CFAP20DC: variants seen among roughly 807,000 people sequenced by gnomAD.
CFAP20DC encodes protein CFAP20DC.
A neutral mutation model predicts 101.7 loss-of-function variants in CFAP20DC; 84 were observed. The ratio of observed to expected loss-of-function variants is 0.83; its 90% CI spans 0.69 to 0.99. The LOEUF is 0.99. Ranked by LOEUF, CFAP20DC falls within the 50% of genes least tolerant of loss-of-function variation. The pLI is 0.00. For missense variants in CFAP20DC, 1,007 were observed against 970.3 expected, an observed-to-expected ratio of 1.04 and a Z score of -0.50; for synonymous variants, 359 against 351.2, an observed-to-expected ratio of 1.02 and a Z score of -0.25.
intron 4 of CFAP20DC, among the ~76,000 whole-genome samples, chr3:58,944,436 T>C (rs940799565): frequency 1.3e-5 from 2 of 152,334 alleles, no homozygotes; most frequent in African/African-American, 4.8e-5. Context: ...AGTTAGTAAG[T>C]AGCAGAGACA....
At chr3:58,770,526 T>C (rs2070748136) in intron 15 of CFAP20DC, among the ~76,000 whole-genome samples, 1 of 152,136 alleles carries the variant, frequency 6.6e-6, no homozygotes, top group South Asian at 2.1e-4. Flanking sequence ...GCAAAAGTCA[T>C]GAAAGGGTTA....
In CFAP20DC at chr3:58,971,534, A is replaced by G. The variant is rs977199798; in HGVS notation, c.279-33772T>C. Reference sequence around the variant, plus strand: ...TATATACATTCTCTTTTTCATTTTTACACGAAAATCTCACACATATTTAAA... The same window carrying G: ...TATATACATTCTCTTTTTCATTTTTGCACGAAAATCTCACACATATTTAAA... On this transcript the variant is annotated intron_variant, in intron 4 of 16. Transcript: ENST00000482387. The surrounding 1 kb of genome is among the most constrained non-coding windows in gnomAD (Gnocchi z 4.1). 3.9e-5 allele frequency among the ~76,000 whole-genome samples: 6 copies of G among 152,006 alleles called. No homozygotes were observed. The highest frequency in any genetic ancestry group is 2.6e-4 in the Admixed American group (4 of 15,226).
intron 15 of CFAP20DC, among the ~76,000 whole-genome samples, chr3:58,774,570 G>C (rs983765860): frequency 2.0e-5 from 3 of 152,202 alleles, no homozygotes; most frequent in Non-Finnish European, 2.9e-5. Flanking sequence ...GCACAAGAAT[G>C]TGATGTGAGA....
At chr3:58,794,349 CAAGA>C (rs1341375518) in intron 15 of CFAP20DC, 1 of 455,762 alleles carries the variant, frequency 2.2e-6, no homozygotes, top group South Asian at 1.6e-5. Context: ...AATCAATGGA[CAAGA>C]AAGAGTCAAC....
chr3:59,016,217 A>C (rs2093686166), intron 4 of CFAP20DC, among the ~76,000 whole-genome samples: 1 of 152,132 alleles, frequency 6.6e-6, no homozygotes, highest in African/African-American at 2.4e-5. Context: ...AAATCCTGTC[A>C]TTGGCAGCAA....
At chr3:58,766,691 T>C (rs2070345208) in intron 15 of CFAP20DC, among the ~76,000 whole-genome samples, 1 of 152,196 alleles carries the variant, frequency 6.6e-6, no homozygotes, top group African/African-American at 2.4e-5. Flanking sequence ...TTTTCCAACC[T>C]CATGTGGTAC....
At chr3:59,047,911 G>A (rs936146539) in intron 1 of CFAP20DC, among the ~76,000 whole-genome samples, 1 of 152,176 alleles carries the variant, frequency 6.6e-6, no homozygotes, top group African/African-American at 2.4e-5. Flanking sequence ...AAAGGCCTGG[G>A]AGGGATTTGG....
chr3:58,800,800 A>G (rs1331473766), intron 15 of CFAP20DC, among the ~76,000 whole-genome samples: 1 of 152,174 alleles, frequency 6.6e-6, no homozygotes, highest in Non-Finnish European at 1.5e-5. Context: ...CTGGTTATGA[A>G]TGAAACAATA....
At position 58,967,201 on chromosome 3, in the gene CFAP20DC, A is replaced by G. The variant is rs568824065; in HGVS notation, c.279-29439T>C. ...AAATTGAAAGTTTAGAAATAAAACT[A>G]CATTCAGAAATAAAACTACAGATAA... On this transcript the variant is annotated intron_variant, in intron 4 of 16. Coordinates refer to ENST00000482387, the MANE Select transcript of CFAP20DC (RefSeq NM_001394063.1). Among the ~76,000 whole-genome samples the G allele has an allele frequency of 3.3e-5, 5 of 152,344 alleles. No homozygotes were observed. In the South Asian group the frequency reaches 8.3e-4, roughly 25 times the overall value.
intron 6 of CFAP20DC, among the ~76,000 whole-genome samples, chr3:58,891,482 C>CT (rs1491185616): frequency 7.7e-6 from 1 of 130,712 alleles, no homozygotes; most frequent in Non-Finnish European, 1.7e-5. Context: ...AGCTTTTTTA[C>CT]TTTTTAATAG....
At chr3:58,812,897 T>C (rs903303985) in intron 14 of CFAP20DC, among the ~76,000 whole-genome samples, 1 of 151,852 alleles carries the variant, frequency 6.6e-6, no homozygotes, top group Non-Finnish European at 1.5e-5. Context: ...TGTGGAATTT[T>C]TATGCTGTTA....
At chr3:58,979,686 C>T (rs28715760) in intron 4 of CFAP20DC, among the ~76,000 whole-genome samples, 14,322 of 152,192 alleles carry the variant, frequency 0.094, 2,239 homozygotes, top group African/African-American at 0.32. Flanking sequence ...AATTCAACTA[C>T]GAACTGGCTG....
downstream of CFAP20DC, among the ~76,000 whole-genome samples, chr3:58,716,505 T>C (rs2067401732): frequency 6.6e-6 from 1 of 152,118 alleles, no homozygotes; most frequent in African/African-American, 2.4e-5. Flanking sequence ...GACAGGCAGC[T>C]CAGATCGCAT....
intron 12 of CFAP20DC, chr3:58,862,326 T>G (rs943571526): frequency 7.1e-6 from 7 of 985,344 alleles, no homozygotes; most frequent in Non-Finnish European, 8.4e-6. Context: ...CACTATTAGG[T>G]GCTGAAGACA....
chr3:58,799,386 A>C lies in CFAP20DC; in HGVS notation c.2237+7009T>G, dbSNP rs1372827662. ...TAAGGGATCTTTAAAACAAACTCAC[A>C]AAAAAGGTTTCGTTTATTATAAATG... On this transcript the variant is annotated intron_variant, in intron 15 of 16. Coordinates refer to ENST00000482387, the MANE Select transcript of CFAP20DC (RefSeq NM_001394063.1). The surrounding 1 kb of genome is among the most constrained non-coding windows in gnomAD (Gnocchi z 4.9). Among the ~76,000 whole-genome samples, 4 of 152,314 alleles carry C rather than the reference A, an allele frequency of 2.6e-5. No homozygotes were observed. Among genetic ancestry groups the C allele is most frequent in the Non-Finnish European group, 5.9e-5 (4 of 68,020 alleles).
rs2082545283 is a variant in CFAP20DC, at chr3:58,894,928, GGGCTTGCACC to G, written c.551-10229_551-10220del. Among the ~76,000 whole-genome samples, 1 of 152,226 alleles carries G rather than the reference GGGCTTGCACC, an allele frequency of 6.6e-6. No individual in the cohort carries two copies. Among genetic ancestry groups the G allele is most frequent in the Non-Finnish European group, 1.5e-5 (1 of 68,044 alleles). On this transcript the variant is annotated intron_variant, in intron 6 of 16. Transcript: ENST00000482387. The surrounding 1 kb of genome is among the most constrained non-coding windows in gnomAD (Gnocchi z 4.1). Reference sequence around the variant, plus strand: ...ACTATGTGGAAGCTGCCATGGCTTTGGGCTTGCACCCTCTGAAGCCATGGCCTAAGCTCTA... The same window carrying G: ...ACTATGTGGAAGCTGCCATGGCTTTGCTCTGAAGCCATGGCCTAAGCTCTA...
At chr3:58,934,038 G>T (rs1165178338) in intron 5 of CFAP20DC, among the ~76,000 whole-genome samples, 4 of 152,086 alleles carry the variant, frequency 2.6e-5, no homozygotes, top group Non-Finnish European at 5.9e-5. Flanking sequence ...GACTAATAAA[G>T]AAGAAAACAG....
intron 4 of CFAP20DC, among the ~76,000 whole-genome samples, chr3:59,020,261 T>A (rs1192175270): frequency 6.6e-6 from 1 of 151,780 alleles, no homozygotes. Flanking sequence ...TCTCAATGCT[T>A]ATTAAGAGTG....
chr3:58,857,748 G>A (rs1307237515), intron 12 of CFAP20DC, among the ~76,000 whole-genome samples: 1 of 152,088 alleles, frequency 6.6e-6, no homozygotes, highest in Admixed American at 6.6e-5. Flanking sequence ...TTTGCATTGG[G>A]TCAGCTTCTC....
Sources: gnomAD v4.1 joint callset for allele counts (sites outside exome capture counted in the v4.1 genomes callset) on GRCh38, gnomAD v4.1.1 for gene constraint, Gnocchi (gnomAD v3.1) non-coding constraint, MANE v1.5 for transcripts, NCBI Gene and HGNC (gene_info 2026-07-23, HGNC 2026-07-21) for gene names.